Variants in NUP98 observed in about 807,000 individuals in gnomAD.
NUP98 encodes nuclear pore complex protein Nup98-Nup96.
A neutral mutation model predicts 191.9 loss-of-function variants in NUP98; 26 were observed. That is an observed-to-expected ratio of 0.14 (90% CI 0.10 to 0.19). The LOEUF (loss-of-function observed/expected upper bound fraction) is 0.19, where lower values mean the gene tolerates loss of function less well. Among genes scored for constraint, NUP98 ranks in the 10% least tolerant of loss-of-function variants. The pLI is 1.00. For synonymous variants in NUP98, 808 were observed against 778.4 expected (o/e 1.04, Z -0.63); for missense variants, 1,941 against 2,178.8 (o/e 0.89, Z 2.17).
chr11:3,685,709 CT>C (rs1193362804), intron 29 of NUP98, among the ~76,000 whole-genome samples: 3 of 152,150 alleles, frequency 2.0e-5, no homozygotes, highest in Non-Finnish European at 4.4e-5. Context: ...TCACAGAGAT[CT>C]TTTTTTCTCA....
At chr11:3,709,200 A>G (rs1366173557) in intron 20 of NUP98, among the ~76,000 whole-genome samples, 2 of 152,198 alleles carry the variant, frequency 1.3e-5, no homozygotes, top group East Asian at 3.8e-4. Context: ...TTGATCCAAT[A>G]TAACTACTAT....
At chr11:3,787,377 T>A (rs1373433606) in intron 1 of NUP98, among the ~76,000 whole-genome samples, 1 of 149,936 alleles carries the variant, frequency 6.7e-6, no homozygotes, top group Non-Finnish European at 1.5e-5. Context: ...AGGTCAGGAG[T>A]TCGAGACCAG....
chr11:3,774,774 A>C (rs994013558), intron 5 of NUP98, among the ~76,000 whole-genome samples: 2 of 152,178 alleles, frequency 1.3e-5, no homozygotes, highest in African/African-American at 4.8e-5. Flanking sequence ...AGGCACAATA[A>C]GTAAAACTAA....
intron 10 of NUP98, among the ~76,000 whole-genome samples, chr11:3,753,821 C>T (rs935039328): frequency 6.8e-5 from 9 of 132,356 alleles, no homozygotes; most frequent in Admixed American, 1.7e-4. Context: ...TGCCTGTAAT[C>T]CCAGCTACTC....
intron 12 of NUP98, among the ~76,000 whole-genome samples, chr11:3,737,603 GGC>G (rs2080116958): frequency 6.6e-6 from 1 of 152,188 alleles, no homozygotes; most frequent in African/African-American, 2.4e-5. Context: ...CTCTAGCCTA[GGC>G]GACAGAGCGA....
In NUP98 at chr11:3,706,449, A is replaced by G; in HGVS notation, c.2921T>C (p.Leu974Ser). 6.2e-7 allele frequency: 1 copy of G among 1,614,062 alleles called. No individual in the cohort carries two copies. Among genetic ancestry groups the G allele is most frequent in the Non-Finnish European group, 8.5e-7 (1 of 1,179,928 alleles). ...AAAGGTGGGTTAGAACTTCACCTGT[A>G]AGACATGTGGATTAATTCCCAGTGA... ...ASSLGINPHV[L>S]QIMKASLLTD... The change falls in exon 21 of 33, where the codon TTA (leucine) becomes TCA (serine). Residue 974 changes from leucine (L) to serine (S), a missense_variant. Coordinates refer to ENST00000324932, the MANE Select transcript of NUP98 (RefSeq NM_016320.5).
At chr11:3,717,114 C>T (rs569947366) in intron 18 of NUP98, among the ~76,000 whole-genome samples, 1 of 152,276 alleles carries the variant, frequency 6.6e-6, no homozygotes, top group East Asian at 1.9e-4. Context: ...CTAGCCTCAG[C>T]CTCCGGAGTA....
intron 14 of NUP98, among the ~76,000 whole-genome samples, chr11:3,729,645 G>A (rs1361066618): frequency 1.4e-5 from 2 of 145,812 alleles, no homozygotes; most frequent in African/African-American, 2.6e-5. Context: ...GAGCCCAGGG[G>A]TCGAAGGTGC....
In NUP98 at chr11:3,731,454, G is replaced by A; in HGVS notation, c.1667C>T (p.Ser556Leu). The change falls in exon 14 of 33, where the codon TCA (serine) becomes TTA (leucine). Residue 556 changes from serine to leucine, a missense_variant. Coordinates refer to ENST00000324932, the MANE Select transcript of NUP98 (RefSeq NM_016320.5). The stretch of plus-strand genomic sequence containing the variant: ...GTCATCCAGCCCATCAAAGAGATGT[G>A]ACTTGGCTGTGCCTGTTGTTTGTAA... ...KALQTTGTAK[S>L]HLFDGLDDDE... 2 of 1,608,492 alleles carry A rather than the reference G, an allele frequency of 1.2e-6. No homozygotes were observed. Among genetic ancestry groups the A allele is most frequent in the Non-Finnish European group, 1.7e-6 (2 of 1,177,178 alleles).
chr11:3,784,962 C>T (rs1020316290), intron 1 of NUP98, among the ~76,000 whole-genome samples: 1 of 151,560 alleles, frequency 6.6e-6, no homozygotes, highest in Admixed American at 6.6e-5. Flanking sequence ...CATGGTGAAA[C>T]CCCCGTCTCT....
At chr11:3,725,006 C>A in intron 15 of NUP98, 97 bp downstream of exon 15, 1 of 611,152 alleles carries the variant, frequency 1.6e-6, no homozygotes, top group Non-Finnish European at 2.9e-6. Flanking sequence ...ATGTAATATT[C>A]ATCAAACTTC....
At position 3,735,075 on chromosome 11, in the gene NUP98, T is replaced by C. The variant is rs190030264; in HGVS notation, c.1542+116A>G. ...CTGAGTGAAATAATATCTTAAAAAATTAATTACACCTAGCTTTGCTTAATC... is the reference window on the plus strand; with the variant it reads ...CTGAGTGAAATAATATCTTAAAAAACTAATTACACCTAGCTTTGCTTAATC... On this transcript the variant is annotated intron_variant, in intron 13 of 32. Transcript: ENST00000324932. 6.1e-4 allele frequency: 576 copies of C among 937,240 alleles called. 3 individuals carry two copies. The African/African-American group carries it at 9.1e-3, about 15-fold the overall frequency. 58.1% of individuals were successfully genotyped at this position (937,240 alleles called of 1,614,324 possible).
At chr11:3,745,405 A>C (rs1339864585) in intron 11 of NUP98, among the ~76,000 whole-genome samples, 1 of 152,152 alleles carries the variant, frequency 6.6e-6, no homozygotes, top group Non-Finnish European at 1.5e-5. Flanking sequence ...CACGAACCAG[A>C]GTGGTTGGAC....
At chr11:3,787,773 C>T (rs1027913875) in intron 1 of NUP98, among the ~76,000 whole-genome samples, 1 of 152,044 alleles carries the variant, frequency 6.6e-6, no homozygotes, top group African/African-American at 2.4e-5. Flanking sequence ...GCGGGCAGAT[C>T]ACGAGGTCAA....
Position 3,762,884 on chromosome 11 carries a change from T to C in NUP98, c.1086+18A>G. The C allele has an allele frequency of 6.2e-7, 1 of 1,608,510 alleles. No homozygotes were observed. On this transcript the variant is annotated intron_variant, in intron 9 of 32. Coordinates refer to ENST00000324932, the MANE Select transcript of NUP98 (RefSeq NM_016320.5). ...ATTTACACACATCTTCAAATTACAG[T>C]CAACTGCAGAAACCTACCGAACCAA...
rs1331846437 is a variant in NUP98 at position 3,676,335 on chromosome 11, T to A, written c.5227A>T (p.Ser1743Cys). The A allele has an allele frequency of 6.2e-7, 1 of 1,613,880 alleles. No individual in the cohort carries two copies. Among genetic ancestry groups the A allele is most frequent in the Non-Finnish European group, 8.5e-7 (1 of 1,179,944 alleles). ...GTTCTATCAGGAGGATGATGCAGAC[T>A]CAGCACCACGCGCAGCAGGTTGGCT... ...RVANLLRVVL[S>C]LHHPPDRTSD... The change falls in exon 33 of 33, where the codon AGT (serine) becomes TGT (cysteine). Residue 1743 changes from serine (S) to cysteine (C), a missense_variant. By Grantham distance (112) the Ser-to-Cys change is moderately radical. Coordinates refer to ENST00000324932, the MANE Select transcript of NUP98 (RefSeq NM_016320.5).
chr11:3,700,186 T>A (rs2078631684), intron 24 of NUP98, among the ~76,000 whole-genome samples: 1 of 148,718 alleles, frequency 6.7e-6, no homozygotes, highest in African/African-American at 2.5e-5. Flanking sequence ...AAACCCTGTC[T>A]CTACTAAGAA....
At position 3,752,517 on chromosome 11, in the gene NUP98, C is replaced by CT. The variant is rs556859839; in HGVS notation, c.1267+798_1267+799insA. Among the ~76,000 whole-genome samples the CT allele has an allele frequency of 3.3e-3, 407 of 122,982 alleles. 3 individuals carry two copies. Among genetic ancestry groups the CT allele is most frequent in the African/African-American group, 0.012 (370 of 31,742 alleles). 80.7% of individuals were successfully genotyped at this position (122,982 alleles called of 152,430 possible). Reference sequence around the variant, plus strand: ...GAACGACAGAGTGAGACTCCATCTCCAAAATAAATAAATAAATAAATAAAT... The same window carrying CT: ...GAACGACAGAGTGAGACTCCATCTCCTAAAATAAATAAATAAATAAATAAAT... On this transcript the variant is annotated intron_variant, in intron 11 of 32. Transcript: ENST00000324932.
intron 25 of NUP98, among the ~76,000 whole-genome samples, chr11:3,698,517 C>T (rs1036070079): frequency 2.6e-5 from 4 of 151,526 alleles, no homozygotes; most frequent in African/African-American, 9.7e-5. Flanking sequence ...CACCTGAGGT[C>T]AGGAGTTCGA....
Sources: gnomAD v4.1 joint callset for allele counts (sites outside exome capture counted in the v4.1 genomes callset) on GRCh38, gnomAD v4.1.1 for gene constraint, MANE v1.5 for transcripts, NCBI Gene and HGNC (gene_info 2026-07-23, HGNC 2026-07-21) for gene names.